The following SETDB1 variants were observed in gnomAD, a reference collection of about 807,000 sequenced individuals.
The protein encoded by SETDB1 is SET domain bifurcated histone lysine methyltransferase 1.
In SETDB1, 31 loss-of-function variants were observed where a neutral mutation model predicts 137.4. The observed-to-expected ratio is 0.23, with a 90% CI of 0.17 to 0.30. The LOEUF is 0.30. Among genes scored for constraint, SETDB1 ranks in the 10% least tolerant of loss-of-function variants. The pLI, the probability that SETDB1 is intolerant of heterozygous loss-of-function variation, is 1.00. For synonymous variants in SETDB1, 548 were observed against 579.9 expected (o/e 0.95, Z 0.79); for missense variants, 1,113 against 1,631.5 (o/e 0.68, Z 5.47).
intron 5 of SETDB1, among the ~76,000 whole-genome samples, chr1:150,942,234 A>G (rs1401258991): frequency 1.3e-5 from 2 of 151,900 alleles, no homozygotes; most frequent in Non-Finnish European, 2.9e-5. Context: ...AGGTCAAAAG[A>G]TAGAGACCAT....
In SETDB1 at chr1:150,952,424, GA is replaced by G. The variant is rs369363075; in HGVS notation, c.2333+945del. 1.3e-4 allele frequency among the ~76,000 whole-genome samples: 20 copies of G among 152,276 alleles called. No homozygotes were observed. In the East Asian group the frequency reaches 3.3e-3, roughly 25 times the overall value. Reference sequence around the variant, plus strand: ...GGCTGTATTAATAGGTAGAGCTACAGAATTGGATAGATTATGGAGTGGGGGG... The same window carrying G: ...GGCTGTATTAATAGGTAGAGCTACAGATTGGATAGATTATGGAGTGGGGGG... On this transcript the variant is annotated intron_variant, in intron 14 of 21. Transcript: ENST00000692827.
At chr1:150,951,224 A>G in intron 13 of SETDB1, 134 bp downstream of exon 13, 1 of 1,177,694 alleles carries the variant, frequency 8.5e-7, no homozygotes, top group Non-Finnish European at 1.2e-6. Context: ...AACTCCTGCT[A>G]TAAGGCCTCC....
At chr1:150,947,055 A>G (rs1670353642) in intron 10 of SETDB1, 43 bp downstream of exon 10, 2 of 1,611,012 alleles carry the variant, frequency 1.2e-6, no homozygotes, top group African/African-American at 1.3e-5. Context: ...AAACAGGCCA[A>G]CCAGCAAAGG....
chr1:150,933,870 G>A (rs1443560880), intron 3 of SETDB1, among the ~76,000 whole-genome samples: 3 of 137,246 alleles, frequency 2.2e-5, no homozygotes, highest in African/African-American at 8.4e-5. Flanking sequence ...TGCAACCTCC[G>A]CCTCTTGGGT....
chr1:150,926,885 G>A, intron 1 of SETDB1: 1 of 530,922 alleles, frequency 1.9e-6, no homozygotes, highest in Admixed American at 2.0e-5. Context: ...GCTTTCGTGT[G>A]TTTGAATATC....
Position 150,959,886 on chromosome 1 carries a change from A to G in SETDB1, c.2503+539A>G, listed in dbSNP as rs957329531. Among the ~76,000 whole-genome samples, 11 of 152,238 alleles carry G rather than the reference A, an allele frequency of 7.2e-5. No individual in the cohort carries two copies. The East Asian group carries it at 1.2e-3, about 16-fold the overall frequency. On this transcript the variant is annotated intron_variant, in intron 15 of 21. Coordinates refer to ENST00000692827, the MANE Select transcript of SETDB1 (RefSeq NM_001366418.1). ...CAGGAGTTGGAGACCAGCCTGGCCA[A>G]CATAGTTGAAACCCCATCTCTACTA...
At chr1:150,953,522 A>G (rs1282036313) in intron 14 of SETDB1, among the ~76,000 whole-genome samples, 1 of 132,082 alleles carries the variant, frequency 7.6e-6, no homozygotes, top group Admixed American at 8.6e-5. Context: ...GCAAAATTCT[A>G]TCTCAAAAAA....
At chr1:150,957,683 G>A (rs938668152) in intron 14 of SETDB1, among the ~76,000 whole-genome samples, 2 of 152,146 alleles carry the variant, frequency 1.3e-5, no homozygotes, top group Non-Finnish European at 2.9e-5. Flanking sequence ...ACCTTTAATG[G>A]TTGTTTAAAA....
At chr1:150,945,880 T>G (rs1207398259) in intron 9 of SETDB1, among the ~76,000 whole-genome samples, 2 of 152,162 alleles carry the variant, frequency 1.3e-5, no homozygotes, top group Non-Finnish European at 2.9e-5. Flanking sequence ...TTTTTGTATT[T>G]TTAGTAGAGA....
At position 150,949,262 on chromosome 1, in the gene SETDB1, C is replaced by T. The variant is rs1001480463; in HGVS notation, c.1408C>T (p.Gln470Ter). 6.2e-7 allele frequency: 1 copy of T among 1,613,792 alleles called. No individual in the cohort carries two copies. Among genetic ancestry groups the T allele is most frequent in the Non-Finnish European group, 8.5e-7 (1 of 1,179,882 alleles). Residue 470 changes from glutamine (Q) to a stop codon, truncating the protein, a stop_gained, in exon 11 of 22, where the codon CAA becomes TAA. Coordinates refer to ENST00000692827, the MANE Select transcript of SETDB1 (RefSeq NM_001366418.1). LOFTEE classifies it high-confidence loss of function. ...PFPPAPPLSPQAGDSESLESQ... is the reference protein window; with the variant it reads ...PFPPAPPLSP ...CCCACCTGCTCCACCTCTATCCCCC[C>T]AAGCAGGTGACAGTGAGTGAGTGTT...
intron 2 of SETDB1, among the ~76,000 whole-genome samples, chr1:150,928,504 G>A (rs1021073757): frequency 6.6e-6 from 1 of 152,084 alleles, no homozygotes; most frequent in African/African-American, 2.4e-5. Flanking sequence ...GATCATCCAG[G>A]GAGTGAGGAT....
Position 150,927,708 on chromosome 1 carries a change from C to G in SETDB1, c.-7C>G, listed in dbSNP as rs746330687. ...TTTGTTTTCTGTTCCATGCAGAGGA[C>G]AAAAGCATGTCTTCCCTTCCTGGGT... On this transcript the variant is annotated 5_prime_UTR_variant, in exon 2 of 22. Transcript: ENST00000692827. The G allele has an allele frequency of 6.2e-7, 1 of 1,613,424 alleles. No individual in the cohort carries two copies. Among genetic ancestry groups the G allele is most frequent in the South Asian group, 1.1e-5 (1 of 90,900 alleles).
chr1:150,935,554 CTG>C (rs1669919638), intron 3 of SETDB1, among the ~76,000 whole-genome samples: 1 of 151,940 alleles, frequency 6.6e-6, no homozygotes, highest in African/African-American at 2.4e-5. Context: ...AATTTTCTCT[CTG>C]TGCTTTGGAT....
intron 14 of SETDB1, among the ~76,000 whole-genome samples, chr1:150,957,326 T>A (rs1571657629): frequency 1.3e-5 from 2 of 152,144 alleles, no homozygotes; most frequent in Admixed American, 1.3e-4. Context: ...AGCGAGACTG[T>A]GTCTCAAAAA....
In SETDB1 at chr1:150,933,726, C is replaced by T. The variant is rs967715262; in HGVS notation, c.412+3608C>T. On this transcript the variant is annotated intron_variant, in intron 3 of 21. Transcript: ENST00000692827. ...AAAGTCAAACAAACATTTCAGAAAA[C>T]CACTGTCATTCTTCTGATTTTTCTT... Among the ~76,000 whole-genome samples the T allele has an allele frequency of 4.6e-5, 7 of 151,114 alleles. No individual in the cohort carries two copies. In the South Asian group the frequency reaches 1.5e-3, roughly 32 times the overall value.
Position 150,951,473 on chromosome 1 carries a change from A to C in SETDB1, c.2325A>C (p.Leu775=). 1 of 1,575,228 alleles carries C rather than the reference A, an allele frequency of 6.3e-7. No individual in the cohort carries two copies. Among genetic ancestry groups the C allele is most frequent in the South Asian group, 1.1e-5 (1 of 90,258 alleles). ...GYQYKRLEEC[L]PTGVYECNKR... ...AGTACAAGAGACTAGAAGAGTGTCT[A>C]CCCACAGGGTAAGTGGTCAAGGAAT... is the stretch of plus-strand genomic sequence containing the variant. The change falls in exon 14 of 22, where the codon CTA becomes CTC. Residue 775 remains leucine, a synonymous_variant. Coordinates refer to ENST00000692827, the MANE Select transcript of SETDB1 (RefSeq NM_001366418.1).
chr1:150,932,816 G>A (rs1312490470), intron 3 of SETDB1, among the ~76,000 whole-genome samples: 8 of 152,032 alleles, frequency 5.3e-5, no homozygotes, highest in Non-Finnish European at 1.0e-4. Flanking sequence ...TTCCCCGTAA[G>A]CATTGCTTTG....
chr1:150,962,443 C>A, intron 17 of SETDB1, 144 bp from the exon 18 acceptor site: 1 of 808,502 alleles, frequency 1.2e-6, no homozygotes, highest in Non-Finnish European at 2.1e-6. Context: ...TCCCAAAGTG[C>A]TGGGATTACA....
chr1:150,931,356 A>T (rs1286162040), intron 3 of SETDB1, among the ~76,000 whole-genome samples: 2 of 147,616 alleles, frequency 1.4e-5, no homozygotes, highest in Non-Finnish European at 3.0e-5. Flanking sequence ...GAGGCCAAGG[A>T]GGGCGGATCA....
Sources: allele counts gnomAD v4.1 joint callset (sites outside exome capture counted in the v4.1 genomes callset), GRCh38; gene constraint gnomAD v4.1.1; transcripts MANE v1.5; gene names NCBI Gene and HGNC (gene_info 2026-07-23, HGNC 2026-07-21).